The following GTPBP10 variants were observed in gnomAD, a reference collection of about 807,000 sequenced individuals.
GTPBP10 encodes the protein GTP binding protein 10.
A neutral mutation model predicts 44.8 loss-of-function variants in GTPBP10; 38 were observed. That is an observed-to-expected ratio of 0.85 (90% CI 0.65 to 1.11). The LOEUF is 1.11. Among genes scored for constraint, GTPBP10 ranks in the 50% most tolerant of loss-of-function variants. GTPBP10 has a pLI of 0.00. For missense variants in GTPBP10, 462 were observed against 453.7 expected (o/e 1.02, Z -0.17); for synonymous variants, 152 against 150.6 (o/e 1.01, Z -0.07).
intron 1 of GTPBP10, among the ~76,000 whole-genome samples, chr7:90,349,107 G>T (rs1308258405): frequency 6.6e-6 from 1 of 152,128 alleles, no homozygotes; most frequent in Admixed American, 6.5e-5. Context: ...TGTAAATCCT[G>T]TGAAATTATA....
intron 4 of GTPBP10, among the ~76,000 whole-genome samples, chr7:90,368,689 C>T (rs758711637): frequency 6.6e-5 from 10 of 152,018 alleles, no homozygotes; most frequent in African/African-American, 1.5e-4. Context: ...ATTAGCCATT[C>T]GTCTAACCTT....
intron 4 of GTPBP10, among the ~76,000 whole-genome samples, chr7:90,359,649 A>G (rs1286594034): frequency 2.0e-5 from 3 of 152,208 alleles, no homozygotes; most frequent in Non-Finnish European, 4.4e-5. Flanking sequence ...TCGTTCGGGT[A>G]TGTACCCAGT....
intron 3 of GTPBP10, 97 bp downstream of exon 3, chr7:90,354,646 CT>C: frequency 1.6e-6 from 1 of 640,840 alleles, no homozygotes; most frequent in Non-Finnish European, 2.6e-6. Flanking sequence ...GATTTTTTAA[CT>C]AACAATTTTA....
intron 8 of GTPBP10, 106 bp downstream of exon 8, chr7:90,378,317 T>G: frequency 7.6e-7 from 1 of 1,313,962 alleles, no homozygotes. Flanking sequence ...CCTTTAAAGC[T>G]TTGATGTCAG....
At chr7:90,372,481 A>AATTTTTTTTTTTTTT (rs1211869618) in intron 5 of GTPBP10, among the ~76,000 whole-genome samples, 2 of 67,640 alleles carry the variant, frequency 3.0e-5, no homozygotes, top group Non-Finnish European at 2.8e-5. Flanking sequence ...TGCTTGGCTA[A>AATTTTTTTTTTTTTT]CTTTTTTTTT....
intron 4 of GTPBP10, among the ~76,000 whole-genome samples, chr7:90,360,202 G>C (rs569540196): frequency 5.3e-5 from 8 of 152,112 alleles, no homozygotes; most frequent in Non-Finnish European, 8.8e-5. Context: ...TTTTAGACAT[G>C]AAGTCCTTGC....
At chr7:90,380,688 A>G (rs1796421126) in intron 8 of GTPBP10, among the ~76,000 whole-genome samples, 1 of 152,188 alleles carries the variant, frequency 6.6e-6, no homozygotes, top group African/African-American at 2.4e-5. Context: ...AGCAATTTTC[A>G]AATATATAAT....
At position 90,355,163 on chromosome 7, in the gene GTPBP10, C is replaced by A. The variant is rs1300335986; in HGVS notation, c.397C>A (p.Pro133Thr). Reference sequence around the variant, plus strand: ...TGGTAAATTACTTACAAATTTCTTACCATTGAAAGGCCAGAAACGAATAAT... The same window carrying A: ...TGGTAAATTACTTACAAATTTCTTAACATTGAAAGGCCAGAAACGAATAAT... ...LGGKLLTNFL[P>T]LKGQKRIIHL... Residue 133 changes from proline to threonine, a missense_variant, in exon 4 of 10, where the codon CCA becomes ACA. Physicochemically the swap from Pro to Thr is conservative, Grantham distance 38. Coordinates refer to ENST00000222511, the MANE Select transcript of GTPBP10 (RefSeq NM_033107.4). 6 of 1,605,872 alleles carry A rather than the reference C, an allele frequency of 3.7e-6. No individual in the cohort carries two copies. The East Asian group carries it at 9.0e-5, about 24-fold the overall frequency.
chr7:90,356,581 C>T (rs1371184495), intron 4 of GTPBP10, among the ~76,000 whole-genome samples: 1 of 151,608 alleles, frequency 6.6e-6, no homozygotes, highest in African/African-American at 2.4e-5. Context: ...GGAGGCTGGC[C>T]AGCTGGTCTT....
intron 2 of GTPBP10, 169 bp downstream of exon 2, chr7:90,353,178 G>T: frequency 2.2e-6 from 1 of 453,250 alleles, no homozygotes; most frequent in Non-Finnish European, 3.9e-6. Context: ...TGATACTAAA[G>T]AATATTTCAG....
intron 4 of GTPBP10, among the ~76,000 whole-genome samples, chr7:90,357,564 A>T (rs1296801330): frequency 6.6e-6 from 1 of 152,156 alleles, no homozygotes; most frequent in Non-Finnish European, 1.5e-5. Flanking sequence ...ATATTTGCAG[A>T]ATATTCCACC....
chr7:90,350,656 A>G (rs1320796915), intron 1 of GTPBP10, among the ~76,000 whole-genome samples: 1 of 152,222 alleles, frequency 6.6e-6, no homozygotes, highest in Non-Finnish European at 1.5e-5. Flanking sequence ...ATCTACATAA[A>G]AGTTGCCTTT....
intron 4 of GTPBP10, among the ~76,000 whole-genome samples, chr7:90,369,265 G>T (rs1311278013): frequency 1.3e-5 from 2 of 152,190 alleles, no homozygotes; most frequent in African/African-American, 4.8e-5. Flanking sequence ...GGACCCACTT[G>T]AGGAGGCAGT....
At position 90,391,171 on chromosome 7, in the gene GTPBP10, T is replaced by C. The variant is rs1270018717; in HGVS notation, c.*6017T>C. On this transcript the variant is annotated 3_prime_UTR_variant, in exon 10 of 10. Transcript: ENST00000222511. ...GAGCACACATGACCTTCCTTTCCTA[T>C]AAAAATATGAAGCAGAAAACTCCCC... 6.6e-6 allele frequency: 1 copy of C among 152,196 alleles called. No homozygotes were observed. The highest frequency in any genetic ancestry group is 2.4e-5 in the African/African-American group (1 of 41,448). The allele number at this position is 152,196 out of a possible 1,614,324, so 9.4% of individuals were successfully genotyped here.
At chr7:90,350,906 C>G (rs1208953471) in intron 1 of GTPBP10, among the ~76,000 whole-genome samples, 1 of 152,170 alleles carries the variant, frequency 6.6e-6, no homozygotes, top group Non-Finnish European at 1.5e-5. Flanking sequence ...GCCAGCATCA[C>G]TAGTGGCACT....
intron 1 of GTPBP10, 63 bp downstream of exon 1, chr7:90,346,837 C>T (rs1795685294): frequency 6.5e-7 from 1 of 1,549,430 alleles, no homozygotes; most frequent in African/African-American, 1.4e-5. Flanking sequence ...TTCTTTGCTC[C>T]CCTGTCTCTC....
intron 4 of GTPBP10, among the ~76,000 whole-genome samples, chr7:90,369,705 T>G (rs1443529757): frequency 6.6e-6 from 1 of 152,070 alleles, no homozygotes; most frequent in African/African-American, 2.4e-5. Flanking sequence ...AGTGTACCAC[T>G]CCTCCAGGTA....
At position 90,388,991 on chromosome 7, in the gene GTPBP10, T is replaced by G. The variant is rs767821937; in HGVS notation, c.*3837T>G. ...AAAACTGTAGCTTAAAAATAAAAAT[T>G]AGTAATATAACTTGTGTAAACCTAC... On this transcript the variant is annotated 3_prime_UTR_variant, in exon 10 of 10. Coordinates refer to ENST00000222511, the MANE Select transcript of GTPBP10 (RefSeq NM_033107.4). 1 of 152,204 alleles carries G rather than the reference T, an allele frequency of 6.6e-6. No homozygotes were observed. Among genetic ancestry groups the G allele is most frequent in the Non-Finnish European group, 1.5e-5 (1 of 68,034 alleles). The allele number at this position is 152,204 out of a possible 1,614,324, so 9.4% of individuals were successfully genotyped here.
chr7:90,374,849 A>G (rs1796316856), intron 6 of GTPBP10, among the ~76,000 whole-genome samples: 1 of 152,218 alleles, frequency 6.6e-6, no homozygotes, highest in Non-Finnish European at 1.5e-5. Context: ...TATTTAAAAT[A>G]TAATGTACAA....
Sources: allele counts gnomAD v4.1 joint callset (sites outside exome capture counted in the v4.1 genomes callset), GRCh38; gene constraint gnomAD v4.1.1; transcripts MANE v1.5; gene names NCBI Gene and HGNC (gene_info 2026-07-23, HGNC 2026-07-21).